RAD51B: variants seen among roughly 807,000 people sequenced by gnomAD.
The protein encoded by RAD51B is DNA repair protein RAD51 homolog 2.
RAD51B carries 38 observed loss-of-function variants against 42.2 expected under a neutral mutation model. The ratio of observed to expected loss-of-function variants is 0.90; its 90% CI spans 0.70 to 1.18. The LOEUF is 1.18. Ranked by LOEUF, RAD51B falls within the 50% of genes most tolerant of loss-of-function variation. RAD51B has a pLI of 0.00. For synonymous variants in RAD51B, 154 were observed against 145.2 expected (o/e 1.06, Z -0.43); for missense variants, 373 against 400.7 (o/e 0.93, Z 0.59).
intron 8 of RAD51B, among the ~76,000 whole-genome samples, chr14:68,355,549 C>T (rs979080297): frequency 2.6e-5 from 4 of 152,134 alleles, no homozygotes; most frequent in African/African-American, 7.2e-5. Context: ...TCCCTGGAAC[C>T]GGACTGAATA....
At chr14:68,420,542 T>C (rs2084672635) in intron 9 of RAD51B, among the ~76,000 whole-genome samples, 1 of 152,182 alleles carries the variant, frequency 6.6e-6, no homozygotes, top group South Asian at 2.1e-4. Flanking sequence ...TTAGACCATA[T>C]ACGGTAACTT....
At chr14:68,426,345 G>C (rs1414405071) in intron 9 of RAD51B, among the ~76,000 whole-genome samples, 1 of 151,880 alleles carries the variant, frequency 6.6e-6, no homozygotes, top group Non-Finnish European at 1.5e-5. Context: ...CAAAGTGCTG[G>C]GATTACAGGC....
At chr14:68,007,494 C>T in intron 7 of RAD51B, among the ~76,000 whole-genome samples, 1 of 151,942 alleles carries the variant, frequency 6.6e-6, no homozygotes, top group East Asian at 1.9e-4. Flanking sequence ...AATTTCTTCA[C>T]ACTTTTATCA....
intron 7 of RAD51B, among the ~76,000 whole-genome samples, chr14:68,228,029 C>A (rs1269524500): frequency 1.3e-5 from 2 of 152,054 alleles, no homozygotes; most frequent in Non-Finnish European, 2.9e-5. Flanking sequence ...TTTACAATAA[C>A]CCTCTAAAGT....
intron 9 of RAD51B, among the ~76,000 whole-genome samples, chr14:68,457,585 TC>T (rs977097392): frequency 2.0e-4 from 30 of 152,178 alleles, no homozygotes; most frequent in Middle Eastern, 3.4e-3. Context: ...GTGGTATAAT[TC>T]AGGAAGAATT....
intron 8 of RAD51B, among the ~76,000 whole-genome samples, chr14:68,382,887 T>C (rs539700180): frequency 6.6e-6 from 1 of 152,358 alleles, no homozygotes; most frequent in South Asian, 2.1e-4. Context: ...ATCACTAGCA[T>C]AGTATTACAT....
intron 7 of RAD51B, among the ~76,000 whole-genome samples, chr14:68,228,537 A>G (rs2080086181): frequency 6.6e-6 from 1 of 152,114 alleles, no homozygotes; most frequent in African/African-American, 2.4e-5. Flanking sequence ...AGAAACCAAC[A>G]TCTTTGATTT....
chr14:68,138,173 T>C (rs754252178), intron 7 of RAD51B, among the ~76,000 whole-genome samples: 4 of 152,134 alleles, frequency 2.6e-5, no homozygotes, highest in Admixed American at 1.3e-4. Flanking sequence ...CAGGTTGTTA[T>C]TCCCAGAGTT....
At chr14:67,828,289 C>A (rs1028721760) in intron 3 of RAD51B, among the ~76,000 whole-genome samples, 2 of 150,068 alleles carry the variant, frequency 1.3e-5, no homozygotes, top group African/African-American at 4.9e-5. Context: ...TGAATGTCTT[C>A]TTTTGAAAAG....
intron 7 of RAD51B, among the ~76,000 whole-genome samples, chr14:68,141,475 C>T (rs1366032868): frequency 3.3e-5 from 5 of 152,088 alleles, no homozygotes; most frequent in African/African-American, 1.2e-4. Flanking sequence ...GCAAGAGAGA[C>T]CAGCTTAATC....
intron 8 of RAD51B, among the ~76,000 whole-genome samples, chr14:68,366,340 T>C (rs905870446): frequency 6.6e-6 from 1 of 152,178 alleles, no homozygotes; most frequent in Non-Finnish European, 1.5e-5. Context: ...ATGACAAAAG[T>C]GTACCAGTCG....
intron 8 of RAD51B, among the ~76,000 whole-genome samples, chr14:68,350,491 A>G (rs1322064907): frequency 6.6e-6 from 1 of 152,234 alleles, no homozygotes; most frequent in Non-Finnish European, 1.5e-5. Flanking sequence ...AAAGGCTGAC[A>G]GTCAGAAAAT....
chr14:68,529,035 T>C (rs1887110604), intron 10 of RAD51B, among the ~76,000 whole-genome samples: 1 of 152,204 alleles, frequency 6.6e-6, no homozygotes, highest in Non-Finnish European at 1.5e-5. Flanking sequence ...GTGGGTTATG[T>C]TGAAATGGTG....
chr14:68,594,998 G>C, exon 11 of RAD51B: 1 of 1,076,888 alleles, frequency 9.3e-7, no homozygotes, highest in Non-Finnish European at 1.1e-6. Context: ...TCTTGAGGCT[G>C]AGACAAACTA....
At chr14:68,381,991 A>G (rs1471349312) in intron 8 of RAD51B, among the ~76,000 whole-genome samples, 2 of 152,212 alleles carry the variant, frequency 1.3e-5, no homozygotes, top group Non-Finnish European at 2.9e-5. Context: ...CAAAATACAT[A>G]TAAAGTAAGA....
rs140219770 is a variant in RAD51B, at chr14:67,826,839, T to G, written c.198+1262T>G. Among the ~76,000 whole-genome samples the G allele has an allele frequency of 2.0e-3, 309 of 152,194 alleles. 11 individuals are homozygous for G. In the East Asian group the frequency reaches 0.045, roughly 22 times the overall value. Reference sequence around the variant, plus strand: ...CTGGGACTACAGGTGCACACCACCATGCCCAACTACGTTTTGTGTTTTTTG... The same window carrying G: ...CTGGGACTACAGGTGCACACCACCAGGCCCAACTACGTTTTGTGTTTTTTG... On this transcript the variant is annotated intron_variant, in intron 3 of 10. Coordinates refer to ENST00000471583, the MANE Select transcript of RAD51B (RefSeq NM_133510.4).
At chr14:68,033,097 C>T (rs2076071872) in intron 7 of RAD51B, among the ~76,000 whole-genome samples, 1 of 152,156 alleles carries the variant, frequency 6.6e-6, no homozygotes, top group African/African-American at 2.4e-5. Flanking sequence ...CCTTATCTCC[C>T]CCCAAGATTC....
At chr14:68,174,094 CT>C (rs2078920919) in intron 7 of RAD51B, among the ~76,000 whole-genome samples, 1 of 152,128 alleles carries the variant, frequency 6.6e-6, no homozygotes, top group African/African-American at 2.4e-5. Context: ...CTTAATGACT[CT>C]TATACATTTT....
At chr14:68,133,422 T>C (rs141593234) in intron 7 of RAD51B, among the ~76,000 whole-genome samples, 1,875 of 152,340 alleles carry the variant, frequency 0.012, 17 homozygotes, top group South Asian at 0.028. Flanking sequence ...AAATGGAACC[T>C]GTGGCTTTAA....
Sources: allele counts gnomAD v4.1 joint callset (sites outside exome capture counted in the v4.1 genomes callset), GRCh38; gene constraint gnomAD v4.1.1; transcripts MANE v1.5; gene names NCBI Gene and HGNC (gene_info 2026-07-23, HGNC 2026-07-21).